The following MICU3 variants were observed in gnomAD, a reference collection of about 807,000 sequenced individuals.
The protein encoded by MICU3 is mitochondrial calcium uptake 3.
A neutral mutation model predicts 66.5 loss-of-function variants in MICU3; 62 were observed. The observed-to-expected ratio is 0.93, with a 90% CI of 0.76 to 1.15. MICU3 has a LOEUF of 1.15. Among genes scored for constraint, MICU3 ranks in the 50% most tolerant of loss-of-function variants. MICU3 has a pLI of 0.00. For synonymous variants in MICU3, 308 were observed against 240.7 expected (o/e 1.28, Z -2.59); for missense variants, 779 against 664.4 (o/e 1.17, Z -1.90).
chr8:17,073,250 G>A (rs527611582), intron 3 of MICU3, among the ~76,000 whole-genome samples: 9 of 152,182 alleles, frequency 5.9e-5, no homozygotes, highest in Non-Finnish European at 8.8e-5. Flanking sequence ...CCCCCTTCCC[G>A]TGAAGCTTCG....
intron 8 of MICU3, among the ~76,000 whole-genome samples, chr8:17,094,144 T>C (rs1366289329): frequency 6.6e-6 from 1 of 152,050 alleles, no homozygotes; most frequent in African/African-American, 2.4e-5. Flanking sequence ...TTTATGTAAC[T>C]GGCATCATGT....
intron 1 of MICU3, 70 bp from the exon 2 acceptor site, chr8:17,064,014 A>G (rs1818283992): frequency 1.7e-6 from 2 of 1,173,124 alleles, no homozygotes. Context: ...CTTTCAACAT[A>G]ATTAAAAGTA....
downstream of MICU3, among the ~76,000 whole-genome samples, chr8:17,123,961 A>G (rs1323399955): frequency 6.6e-6 from 1 of 151,172 alleles, no homozygotes; most frequent in Non-Finnish European, 1.5e-5. Flanking sequence ...AAAAAAAAAA[A>G]AAAACCACCA....
chr8:17,116,445 G>T lies in MICU3; in HGVS notation c.1369G>T (p.Glu457Ter). ...TTTTCTATGTAACATTTATCTAGAT[G>T]AATTTAAACGTGCCGTCTATGTAGC... ...NFASRSIGQD[E>*]FKRAVYVATG... The change falls in exon 13 of 15, where the codon GAA becomes TAA. Residue 457 changes from glutamate to a stop codon, truncating the protein, a stop_gained and splice_region_variant. Coordinates refer to ENST00000318063, the MANE Select transcript of MICU3 (RefSeq NM_181723.3). LOFTEE classifies it high-confidence loss of function. 1 of 1,454,682 alleles carries T rather than the reference G, an allele frequency of 6.9e-7. No homozygotes were observed. Among genetic ancestry groups the T allele is most frequent in the South Asian group, 1.6e-5 (1 of 62,038 alleles). 90.1% of individuals were successfully genotyped at this position (1,454,682 alleles called of 1,614,324 possible). A position where few individuals can be genotyped will look rare whatever the true frequency, so the allele number is the denominator to read the frequency against.
chr8:17,134,140 C>T, the MICU3 span: 3 of 152,076 alleles, frequency 2.0e-5, no homozygotes, highest in African/African-American at 7.2e-5. Context: ...TTATGGTTCT[C>T]CAGAGAAACA....
chr8:17,080,000 G>A (rs986707880), intron 4 of MICU3, among the ~76,000 whole-genome samples: 3 of 151,696 alleles, frequency 2.0e-5, no homozygotes, highest in Non-Finnish European at 2.9e-5. Flanking sequence ...AATTTGTTTT[G>A]ATTGAATTTT....
At chr8:17,098,278 ATG>A (rs879472418) in intron 8 of MICU3, among the ~76,000 whole-genome samples, 178 bp from the exon 9 acceptor site, 23 of 151,858 alleles carry the variant, frequency 1.5e-4, no homozygotes, top group Non-Finnish European at 2.8e-4. Context: ...CTTTGAAAGT[ATG>A]TGAGTTACCA....
At chr8:17,088,467 AAC>A (rs1391935554) in intron 7 of MICU3, among the ~76,000 whole-genome samples, 1 of 151,990 alleles carries the variant, frequency 6.6e-6, no homozygotes, top group African/African-American at 2.4e-5. Context: ...TAAATGAGTA[AAC>A]AGTTATTTTA....
At chr8:17,123,574 C>G (rs1453574257), downstream of MICU3, among the ~76,000 whole-genome samples, 1 of 151,902 alleles carries the variant, frequency 6.6e-6, no homozygotes, top group Admixed American at 6.6e-5. Flanking sequence ...GGGGGCAATT[C>G]AGAACTCTCG....
chr8:17,097,277 A>C (rs369243735), intron 8 of MICU3, among the ~76,000 whole-genome samples: 14 of 151,778 alleles, frequency 9.2e-5, no homozygotes, highest in Non-Finnish European at 1.8e-4. Context: ...TATTAGTTCT[A>C]TATTTAGCTA....
chr8:17,101,245 G>C (rs2150802552), intron 9 of MICU3, among the ~76,000 whole-genome samples: 1 of 151,754 alleles, frequency 6.6e-6, no homozygotes, highest in East Asian at 1.9e-4. Context: ...CCTTTGTTAT[G>C]AAAACACCCG....
chr8:17,079,696 G>C (rs1820887147), intron 4 of MICU3, among the ~76,000 whole-genome samples: 1 of 151,786 alleles, frequency 6.6e-6, no homozygotes. Flanking sequence ...GTCTCACTTT[G>C]TTGCCCAGGC....
chr8:17,072,223 A>G (rs1044330230), intron 3 of MICU3, among the ~76,000 whole-genome samples: 1 of 152,142 alleles, frequency 6.6e-6, no homozygotes, highest in Non-Finnish European at 1.5e-5. Flanking sequence ...GATCAAGGTA[A>G]TAGAATATAG....
chr8:17,091,346 C>T (rs1235207655), intron 8 of MICU3, among the ~76,000 whole-genome samples: 2 of 152,030 alleles, frequency 1.3e-5, no homozygotes, highest in East Asian at 1.9e-4. Context: ...CTTAATTTCC[C>T]CAAGGATCCT....
At chr8:17,123,533 G>C (rs943025771), downstream of MICU3, among the ~76,000 whole-genome samples, 1 of 152,162 alleles carries the variant, frequency 6.6e-6, no homozygotes, top group South Asian at 2.1e-4. Flanking sequence ...ACATTGAAAG[G>C]ATAGTTATAT....
At position 17,027,506 on chromosome 8, in the gene MICU3, G is replaced by T; in HGVS notation, c.227G>T (p.Gly76Val). 2 of 1,283,672 alleles carry T rather than the reference G, an allele frequency of 1.6e-6. No homozygotes were observed. Among genetic ancestry groups the T allele is most frequent in the African/African-American group, 1.5e-5 (1 of 64,772 alleles). The allele number at this position is 1,283,672 out of a possible 1,614,324, so 79.5% of individuals were successfully genotyped here. ...ELSVAAAAGG[G>V]LVGLVCYQLY... ...AGCGTGGCGGCGGCGGCCGGCGGGG[G>T]GCTGGTCGGCCTGGTATGCTACCAG... Residue 76 changes from glycine (G) to valine (V), a missense_variant, in exon 1 of 15, where the codon GGG becomes GTG. Transcript: ENST00000318063.
chr8:17,101,809 A>C (rs1801279508), intron 9 of MICU3, among the ~76,000 whole-genome samples: 1 of 151,840 alleles, frequency 6.6e-6, no homozygotes, highest in African/African-American at 2.4e-5. Context: ...ATGATGTAAA[A>C]ATCTTTTTTT....
chr8:17,049,583 C>G (rs2517022), intron 1 of MICU3: 1 of 518,240 alleles, frequency 1.9e-6, no homozygotes, highest in Admixed American at 1.9e-5. Flanking sequence ...CCAAGGTAAC[C>G]TAACTAGGAA....
rs150030564 is a variant in MICU3, at chr8:17,063,970, A to G, written c.382-114A>G. The G allele has an allele frequency of 3.7e-3, 2,357 of 640,980 alleles. 10 individuals are homozygous for G. The highest frequency in any genetic ancestry group is 0.011 in the Middle Eastern group (36 of 3,238). 39.7% of individuals were successfully genotyped at this position (640,980 alleles called of 1,614,324 possible). ...TGATTAACGTTTTTCAGAAGACGAT[A>G]TTTTCACACTTCCTCATTTACTCTG... is the stretch of plus-strand genomic sequence containing the variant. On this transcript the variant is annotated intron_variant, in intron 1 of 14. Transcript: ENST00000318063.
Sources: gnomAD v4.1 joint callset for allele counts (sites outside exome capture counted in the v4.1 genomes callset) on GRCh38, gnomAD v4.1.1 for gene constraint, MANE v1.5 for transcripts, NCBI Gene and HGNC (gene_info 2026-07-23, HGNC 2026-07-21) for gene names.